The following LYST variants were observed in gnomAD, a reference collection of about 807,000 sequenced individuals.
LYST encodes the protein lysosomal trafficking regulator, also known as lysosomal-trafficking regulator.
A neutral mutation model predicts 413.6 loss-of-function variants in LYST; 192 were observed. The observed-to-expected ratio is 0.46, with a 90% CI of 0.41 to 0.52. The LOEUF is 0.52. Among genes scored for constraint, LYST ranks in the 20% least tolerant of loss-of-function variants. The probability of loss-of-function intolerance (pLI) is 0.00; values close to 1 mark genes in which losing one functional copy is unlikely to be tolerated. For synonymous variants in LYST, 1,525 were observed against 1,567.3 expected, an observed-to-expected ratio of 0.97 and a Z score of 0.64; for missense variants, 3,815 against 4,499.9, an observed-to-expected ratio of 0.85 and a Z score of 4.35.
intron 43 of LYST, among the ~76,000 whole-genome samples, chr1:235,710,179 C>T (rs1411274221): frequency 6.6e-6 from 1 of 152,072 alleles, no homozygotes. Flanking sequence ...TTAGAAGGAT[C>T]TTCACCAAAA....
At chr1:235,737,933 C>G in intron 31 of LYST, 12 of 1,231,958 alleles carry the variant, frequency 9.7e-6, no homozygotes, top group East Asian at 3.5e-5. Context: ...ATCTCACTGC[C>G]GCGTGCCCCA....
chr1:235,835,275 G>C (rs549109869), intron 1 of LYST, among the ~76,000 whole-genome samples: 3 of 152,174 alleles, frequency 2.0e-5, no homozygotes, highest in African/African-American at 7.2e-5. Context: ...TAAAATTATG[G>C]AAGGGAAATT....
rs751813278 is a variant in LYST at position 235,773,965 on chromosome 1, T to C, written c.5661A>G (p.Glu1887=). Residue 1887 remains glutamate (E), a synonymous_variant, in exon 19 of 53, where the codon GAA becomes GAG. Transcript: ENST00000389793. ...CATTCTCATTCATATAAATAATATCTTCACCACAGCATCCTTCAAGAAGGG... is the reference window on the plus strand; with the variant it reads ...CATTCTCATTCATATAAATAATATCCTCACCACAGCATCCTTCAAGAAGGG... ...LKTLLEGCCG[E]DIIYMNENGE... 5.6e-6 allele frequency: 9 copies of C among 1,605,586 alleles called. No individual in the cohort carries two copies. Among genetic ancestry groups the C allele is most frequent in the Non-Finnish European group, 7.7e-6 (9 of 1,172,524 alleles).
At chr1:235,869,156 G>A (rs1680810695), upstream of LYST, among the ~76,000 whole-genome samples, 1 of 152,082 alleles carries the variant, frequency 6.6e-6, no homozygotes, top group African/African-American at 2.4e-5. Context: ...GAAGAAAAAA[G>A]TAAAGTAATA....
At chr1:235,786,641 A>G (rs1314281926) in intron 14 of LYST, among the ~76,000 whole-genome samples, 1 of 152,128 alleles carries the variant, frequency 6.6e-6, no homozygotes, top group Non-Finnish European at 1.5e-5. Context: ...AAAGACTTGG[A>G]ACCAACCCAA....
rs538390626 is a variant in LYST, at chr1:235,742,821, C to T, written c.8151+1158G>A. Among the ~76,000 whole-genome samples the T allele has an allele frequency of 2.9e-3, 440 of 152,128 alleles. 2 individuals carry two copies. Among genetic ancestry groups the T allele is most frequent in the African/African-American group, 0.01 (419 of 41,500 alleles). ...TTAAGCACTGCATATAGCAGTACCCCCTTACCTGTGGTTTTGCTTTCCACA... is the reference window on the plus strand; with the variant it reads ...TTAAGCACTGCATATAGCAGTACCCTCTTACCTGTGGTTTTGCTTTCCACA... On this transcript the variant is annotated intron_variant, in intron 30 of 52. Transcript: ENST00000389793.
At chr1:235,732,247 T>C (rs1664450878) in intron 34 of LYST, among the ~76,000 whole-genome samples, 1 of 152,224 alleles carries the variant, frequency 6.6e-6, no homozygotes, top group African/African-American at 2.4e-5. Context: ...TATAACTTGT[T>C]TCTAATTCAT....
chr1:235,728,147 G>T lies in LYST; in HGVS notation c.9107-16C>A. ...CCACATTTACCTGCAGAAAGTAATT[G>T]GATATAAGGGTTTTAAAATGTATGT... On this transcript the variant is annotated splice_polypyrimidine_tract_variant and intron_variant, in intron 37 of 52. Transcript: ENST00000389793. 1 of 1,585,622 alleles carries T rather than the reference G, an allele frequency of 6.3e-7. No homozygotes were observed. The highest frequency in any genetic ancestry group is 8.7e-7 in the Non-Finnish European group (1 of 1,154,438).
chr1:235,792,195 G>T, intron 11 of LYST, 70 bp from the exon 12 acceptor site: 1 of 1,028,934 alleles, frequency 9.7e-7, no homozygotes, highest in Non-Finnish European at 1.5e-6. Flanking sequence ...TTGAAATTTA[G>T]GTTATAAATG....
intron 17 of LYST, among the ~76,000 whole-genome samples, chr1:235,776,679 AC>A (rs975418807): frequency 1.3e-5 from 2 of 151,472 alleles, no homozygotes; most frequent in African/African-American, 4.9e-5. Context: ...CCAAACCCAA[AC>A]AAATTAAAGT....
At chr1:235,824,704 G>C (rs190650928) in intron 3 of LYST, among the ~76,000 whole-genome samples, 1 of 152,262 alleles carries the variant, frequency 6.6e-6, no homozygotes, top group East Asian at 1.9e-4. Context: ...GAACAAAATG[G>C]AGTTTATTCC....
intron 1 of LYST, among the ~76,000 whole-genome samples, chr1:235,841,687 G>A (rs1348346494): frequency 6.6e-6 from 1 of 152,172 alleles, no homozygotes; most frequent in African/African-American, 2.4e-5. Flanking sequence ...TATAGGTGAA[G>A]AGGTTAGGCT....
intron 2 of LYST, among the ~76,000 whole-genome samples, chr1:235,832,086 A>G (rs1270042494): frequency 1.3e-5 from 2 of 152,224 alleles, no homozygotes; most frequent in African/African-American, 4.8e-5. Flanking sequence ...GTCATTCTAT[A>G]AATTTATATG....
intron 1 of LYST, among the ~76,000 whole-genome samples, chr1:235,863,806 T>C (rs1381196486): frequency 6.6e-6 from 1 of 152,248 alleles, no homozygotes; most frequent in African/African-American, 2.4e-5. Flanking sequence ...TTGTGTTTAC[T>C]ACTAATAATC....
rs1660257567 is a variant in LYST, at chr1:235,686,806, G to C, written c.10800+143C>G. The C allele has an allele frequency of 1.4e-6, 1 of 711,622 alleles. No individual in the cohort carries two copies. Among genetic ancestry groups the C allele is most frequent in the African/African-American group, 1.8e-5 (1 of 56,606 alleles). 44.1% of individuals were successfully genotyped at this position (711,622 alleles called of 1,614,324 possible). On this transcript the variant is annotated intron_variant, in intron 48 of 52. Transcript: ENST00000389793. This position sits in a 1 kb window ranked among gnomAD's most constrained non-coding sequence, Gnocchi z 4.0. ...TTTCATGATTCTAATAAACCCTAAAGCATTTTAAGACCTAATGTAGGGAGA... is the reference window on the plus strand; with the variant it reads ...TTTCATGATTCTAATAAACCCTAAACCATTTTAAGACCTAATGTAGGGAGA...
chr1:235,812,272 G>A (rs1673534735), intron 4 of LYST, among the ~76,000 whole-genome samples: 1 of 152,084 alleles, frequency 6.6e-6, no homozygotes, highest in Non-Finnish European at 1.5e-5. Flanking sequence ...GGGAGGCTGT[G>A]GTGGGCAGAT....
intron 30 of LYST, among the ~76,000 whole-genome samples, chr1:235,742,266 A>G (rs2103262188): frequency 6.6e-6 from 1 of 152,054 alleles, no homozygotes; most frequent in South Asian, 2.1e-4. Flanking sequence ...ACCAACCTGG[A>G]CAACATGGTG....
chr1:235,869,191 G>C (rs1313876451), upstream of LYST, among the ~76,000 whole-genome samples: 2 of 152,180 alleles, frequency 1.3e-5, no homozygotes, highest in Admixed American at 6.5e-5. Context: ...AGCTCTACTT[G>C]GCCGGGCGCA....
rs1241812983 is a variant in LYST, at chr1:235,702,693, T to C, written c.10374+54A>G. ...TCATCACCTGGGAGAGTGCCTGGCA[T>C]CACAAGAGTCTAATCAGGTTTTGCT... On this transcript the variant is annotated intron_variant, in intron 45 of 52. Transcript: ENST00000389793. 15 of 1,435,016 alleles carry C rather than the reference T, an allele frequency of 1.0e-5. No homozygotes were observed. The Admixed American group carries it at 2.5e-4, about 24-fold the overall frequency. 88.9% of individuals were successfully genotyped at this position (1,435,016 alleles called of 1,614,324 possible).
Sources: gnomAD v4.1 joint callset for allele counts (sites outside exome capture counted in the v4.1 genomes callset) on GRCh38, gnomAD v4.1.1 for gene constraint, Gnocchi (gnomAD v3.1) non-coding constraint, MANE v1.5 for transcripts, NCBI Gene and HGNC (gene_info 2026-07-23, HGNC 2026-07-21) for gene names.